The following WWOX variants were observed in gnomAD, a reference collection of about 807,000 sequenced individuals.
WWOX encodes WW domain-containing oxidoreductase.
WWOX carries 69 observed loss-of-function variants against 46.2 expected under a neutral mutation model. The ratio of observed to expected loss-of-function variants is 1.49; its 90% CI spans 1.23 to 1.82. The LOEUF is 1.82. Ranked by LOEUF, WWOX falls within the 40% of genes most tolerant of loss-of-function variation. The pLI is 0.00. For missense variants in WWOX, 919 were observed against 542.6 expected (o/e 1.69, Z -6.89); for synonymous variants, 359 against 202.6 (o/e 1.77, Z -6.56).
intron 8 of WWOX, among the ~76,000 whole-genome samples, chr16:78,972,296 C>G (rs889405536): frequency 6.6e-6 from 1 of 152,080 alleles, no homozygotes; most frequent in Non-Finnish European, 1.5e-5. Context: ...TGCTCAGAGT[C>G]TCGCATTATA....
intron 8 of WWOX, among the ~76,000 whole-genome samples, chr16:78,828,539 A>T (rs1167957756): frequency 6.6e-6 from 1 of 151,428 alleles, no homozygotes; most frequent in East Asian, 1.9e-4. Flanking sequence ...AATTATATAT[A>T]ATAATAATTT....
At chr16:78,573,294 CAAACA>C (rs992094521) in intron 8 of WWOX, among the ~76,000 whole-genome samples, 4 of 152,186 alleles carry the variant, frequency 2.6e-5, no homozygotes, top group African/African-American at 9.7e-5. Flanking sequence ...TCAAAACAAA[CAAACA>C]AAACAAAACA....
rs145263184 is a variant in WWOX, at chr16:79,130,085, A to G, written c.1057-81523A>G. Among the ~76,000 whole-genome samples the G allele has an allele frequency of 1.1e-3, 162 of 152,324 alleles. 4 individuals are homozygous for G. In the East Asian group the frequency reaches 0.029, roughly 27 times the overall value. ...ATTGGAATAACCGTGTAAGGTTGCC[A>G]TTTTTATTTCCATCTGTGTGTTACA... On this transcript the variant is annotated intron_variant, in intron 8 of 8. Transcript: ENST00000566780.
At chr16:79,088,611 C>G (rs1468650929) in intron 8 of WWOX, among the ~76,000 whole-genome samples, 1 of 152,180 alleles carries the variant, frequency 6.6e-6, no homozygotes, top group Middle Eastern at 3.2e-3. Flanking sequence ...TAGACTCACT[C>G]CATGGAGACC....
intron 8 of WWOX, among the ~76,000 whole-genome samples, chr16:78,844,166 G>C (rs2052236453): frequency 6.6e-6 from 1 of 152,112 alleles, no homozygotes; most frequent in Non-Finnish European, 1.5e-5. Context: ...AAGTAAAACT[G>C]TAAGTGATTC....
At chr16:79,133,461 AG>A (rs2049922071) in intron 8 of WWOX, among the ~76,000 whole-genome samples, 1 of 152,226 alleles carries the variant, frequency 6.6e-6, no homozygotes, top group Admixed American at 6.5e-5. Context: ...ACACAGAACG[AG>A]TACGGTCTCT....
At chr16:79,118,018 G>T (rs1245092655) in intron 8 of WWOX, among the ~76,000 whole-genome samples, 1 of 152,202 alleles carries the variant, frequency 6.6e-6, no homozygotes, top group Non-Finnish European at 1.5e-5. Context: ...TTTCCTTCAA[G>T]AACTTTTTCT....
chr16:78,398,728 A>AT (rs2082344994), intron 6 of WWOX, among the ~76,000 whole-genome samples: 1 of 152,296 alleles, frequency 6.6e-6, no homozygotes, highest in Admixed American at 6.5e-5. Flanking sequence ...ACGCTGGCAA[A>AT]TTCCTTAATC....
rs1350077289 is a variant in WWOX at position 78,900,076 on chromosome 16, TTTTC to T, written c.1057-311531_1057-311528del. Reference sequence around the variant, plus strand: ...TCCTGACTTTTTTTTTTTTTTTTTTTTTTCCTGCAGAGAGCGTTGCTGCTCCTTC... The same window carrying T: ...TCCTGACTTTTTTTTTTTTTTTTTTTCTGCAGAGAGCGTTGCTGCTCCTTC... On this transcript the variant is annotated intron_variant, in intron 8 of 8. Transcript: ENST00000566780. 1.7e-4 allele frequency among the ~76,000 whole-genome samples: 20 copies of T among 116,002 alleles called. No individual in the cohort carries two copies. The East Asian group carries it at 2.2e-3, about 13-fold the overall frequency. The allele number at this position is 116,002 out of a possible 152,430, so 76.1% of individuals were successfully genotyped here.
chr16:78,422,141 A>C (rs1050531030), intron 6 of WWOX, among the ~76,000 whole-genome samples: 3 of 152,180 alleles, frequency 2.0e-5, no homozygotes, highest in African/African-American at 7.2e-5. Flanking sequence ...TTAGACTCTT[A>C]AGAAGATACG....
chr16:79,171,190 A>G (rs994959962), intron 8 of WWOX, among the ~76,000 whole-genome samples: 1 of 152,226 alleles, frequency 6.6e-6, no homozygotes, highest in African/African-American at 2.4e-5. Flanking sequence ...GCGACAGATA[A>G]TTACAACATA....
intron 6 of WWOX, among the ~76,000 whole-genome samples, chr16:78,416,937 C>T (rs1168906275): frequency 1.3e-5 from 2 of 152,094 alleles, no homozygotes; most frequent in Non-Finnish European, 1.5e-5. Context: ...AATAACATGG[C>T]TGAGCTACAG....
At chr16:78,842,809 G>C (rs968036246) in intron 8 of WWOX, among the ~76,000 whole-genome samples, 4 of 132,998 alleles carry the variant, frequency 3.0e-5, no homozygotes, top group Non-Finnish European at 7.1e-5. Context: ...CCAAGATCAC[G>C]CCACTGCACA....
intron 8 of WWOX, among the ~76,000 whole-genome samples, chr16:78,798,737 T>C (rs1250429051): frequency 2.6e-5 from 4 of 152,138 alleles, no homozygotes; most frequent in African/African-American, 4.8e-5. Flanking sequence ...ATAACAATGA[T>C]AAATGATGTT....
chr16:78,674,278 C>CT (rs11386735), intron 8 of WWOX, among the ~76,000 whole-genome samples: 78,593 of 138,556 alleles, frequency 0.57, 22,578 homozygotes, highest in Admixed American at 0.64. Context: ...ACCAGTTCAT[C>CT]TTTTTTTTTT....
chr16:78,979,360 GA>G (rs2046636055), intron 8 of WWOX, among the ~76,000 whole-genome samples: 2 of 152,066 alleles, frequency 1.3e-5, no homozygotes, highest in South Asian at 4.2e-4. Context: ...GGCTCCAAGT[GA>G]AAACTGCTTC....
chr16:78,367,779 A>T (rs566930873), intron 5 of WWOX, among the ~76,000 whole-genome samples: 1 of 150,670 alleles, frequency 6.6e-6, no homozygotes, highest in African/African-American at 2.4e-5. Flanking sequence ...TTGTTTCGAG[A>T]TGGAGTCTCG....
At chr16:78,650,840 T>C (rs1043740758) in intron 8 of WWOX, among the ~76,000 whole-genome samples, 1 of 152,200 alleles carries the variant, frequency 6.6e-6, no homozygotes, top group African/African-American at 2.4e-5. Context: ...CCAGCCACGC[T>C]GATGTAGACA....
In WWOX at chr16:78,227,933, G is replaced by A. The variant is rs187911105; in HGVS notation, c.516+63644G>A. ...TCTGGTTCTATTGAACCCCAGTGCAGCCATGGGTAGAATTTTAGGCTTATT... is the reference window on the plus strand; with the variant it reads ...TCTGGTTCTATTGAACCCCAGTGCAACCATGGGTAGAATTTTAGGCTTATT... On this transcript the variant is annotated intron_variant, in intron 5 of 8. Coordinates refer to ENST00000566780, the MANE Select transcript of WWOX (RefSeq NM_016373.4). Among the ~76,000 whole-genome samples the A allele has an allele frequency of 2.1e-4, 32 of 152,212 alleles. No individual in the cohort carries two copies. The East Asian group carries it at 4.1e-3, about 19-fold the overall frequency.
Sources: allele counts gnomAD v4.1 joint callset (sites outside exome capture counted in the v4.1 genomes callset), GRCh38; gene constraint gnomAD v4.1.1; transcripts MANE v1.5; gene names NCBI Gene and HGNC (gene_info 2026-07-23, HGNC 2026-07-21).